Variants in NALF1 observed in about 807,000 individuals in gnomAD.
NALF1 encodes family with sequence similarity 155 member A.
NALF1 carries 3 observed loss-of-function variants against 48.4 expected under a neutral mutation model. The ratio of observed to expected loss-of-function variants is 0.06; its 90% CI spans 0.03 to 0.16. The LOEUF is 0.16. Ranked by LOEUF, NALF1 falls within the 10% of genes least tolerant of loss-of-function variation. The pLI is 1.00. For synonymous variants in NALF1, 262 were observed against 245.7 expected (o/e 1.07, Z -0.62); for missense variants, 526 against 571.5 (o/e 0.92, Z 0.81).
At chr13:107,293,009 T>TTTTTTTTTTTG (rs1881655481) in intron 1 of NALF1, among the ~76,000 whole-genome samples, 1 of 135,912 alleles carries the variant, frequency 7.4e-6, no homozygotes. Context: ...TTTTTTTTTT[T>TTTTTTTTTTTG]GAGCTCTGTC....
chr13:107,313,497 C>T (rs879568320), intron 1 of NALF1, among the ~76,000 whole-genome samples: 2 of 152,044 alleles, frequency 1.3e-5, no homozygotes, highest in Non-Finnish European at 2.9e-5. Flanking sequence ...CAAGAAAATT[C>T]CTTGTGGACC....
At chr13:107,680,462 G>T (rs1350647196) in intron 1 of NALF1, among the ~76,000 whole-genome samples, 8 of 152,130 alleles carry the variant, frequency 5.3e-5, no homozygotes, top group Non-Finnish European at 1.2e-4. Context: ...AAGGGTGTGA[G>T]TGCATATGAA....
intron 1 of NALF1, among the ~76,000 whole-genome samples, chr13:107,644,859 T>C (rs1006786098): frequency 6.6e-6 from 1 of 151,908 alleles, no homozygotes; most frequent in Non-Finnish European, 1.5e-5. Flanking sequence ...CATACTGCTG[T>C]ACAGCAAAAA....
chr13:107,791,438 C>G (rs1007842446), intron 1 of NALF1, among the ~76,000 whole-genome samples: 1 of 152,062 alleles, frequency 6.6e-6, no homozygotes, highest in African/African-American at 2.4e-5. Context: ...TCGTTTTAGA[C>G]TTTAGGCTTT....
At chr13:107,443,566 TTAAAAA>T (rs770694045) in intron 1 of NALF1, among the ~76,000 whole-genome samples, 8 of 152,218 alleles carry the variant, frequency 5.3e-5, no homozygotes, top group Non-Finnish European at 8.8e-5. Flanking sequence ...AAATTCTCAC[TTAAAAA>T]TAAGTCCAAA....
At chr13:107,289,435 TCTC>T (rs1373819356) in intron 1 of NALF1, among the ~76,000 whole-genome samples, 3 of 152,210 alleles carry the variant, frequency 2.0e-5, no homozygotes, top group Non-Finnish European at 2.9e-5. Context: ...ATAAATGACT[TCTC>T]CTAAATATTC....
chr13:107,457,942 T>C (rs1374759239), intron 1 of NALF1, among the ~76,000 whole-genome samples: 1 of 152,208 alleles, frequency 6.6e-6, no homozygotes, highest in East Asian at 1.9e-4. Context: ...GTTAATTCTT[T>C]TGTAAAGTGG....
chr13:107,843,027 A>AC (rs1880082058), intron 1 of NALF1, among the ~76,000 whole-genome samples: 1 of 152,192 alleles, frequency 6.6e-6, no homozygotes, highest in South Asian at 2.1e-4. Flanking sequence ...TATCCAGGCC[A>AC]CTGATACCTG....
At chr13:107,746,361 C>A (rs571297468) in intron 1 of NALF1, among the ~76,000 whole-genome samples, 1 of 152,148 alleles carries the variant, frequency 6.6e-6, no homozygotes, top group South Asian at 2.1e-4. Flanking sequence ...GGGTTTAACC[C>A]AAGGTGCTTA....
At chr13:107,192,423 A>G (rs1879302655) in intron 2 of NALF1, among the ~76,000 whole-genome samples, 1 of 152,200 alleles carries the variant, frequency 6.6e-6, no homozygotes, top group African/African-American at 2.4e-5. Context: ...TGAGACTCAC[A>G]TTAATTTGGT....
chr13:107,181,223 T>G (rs1313871801), intron 2 of NALF1, among the ~76,000 whole-genome samples: 3 of 151,620 alleles, frequency 2.0e-5, no homozygotes, highest in African/African-American at 7.2e-5. Flanking sequence ...ATGTGAATTC[T>G]TCATCTTTCG....
chr13:107,612,704 G>A (rs1032349141), intron 1 of NALF1, among the ~76,000 whole-genome samples: 1 of 152,044 alleles, frequency 6.6e-6, no homozygotes, highest in African/African-American at 2.4e-5. Context: ...TGGACTTCAA[G>A]GCTGCCAGCA....
At position 107,797,530 on chromosome 13, in the gene NALF1, A is replaced by C. The variant is rs544595673; in HGVS notation, c.915+68152T>G. Among the ~76,000 whole-genome samples the C allele has an allele frequency of 2.0e-5, 3 of 152,264 alleles. No individual in the cohort carries two copies. In the East Asian group the frequency reaches 5.8e-4, roughly 29 times the overall value. ...GGCCCACCTCCTGTTTTTCAACCCCAGTCTGTATAAACATTTGCTTAGTAA... is the reference window on the plus strand; with the variant it reads ...GGCCCACCTCCTGTTTTTCAACCCCCGTCTGTATAAACATTTGCTTAGTAA... On this transcript the variant is annotated intron_variant, in intron 1 of 2. Coordinates refer to ENST00000375915, the MANE Select transcript of NALF1 (RefSeq NM_001080396.3).
At chr13:107,332,747 T>C (rs896800745) in intron 1 of NALF1, among the ~76,000 whole-genome samples, 1 of 152,228 alleles carries the variant, frequency 6.6e-6, no homozygotes, top group African/African-American at 2.4e-5. Context: ...TATAGAGCCA[T>C]TGCTCCTAGT....
intron 1 of NALF1, among the ~76,000 whole-genome samples, chr13:107,683,036 G>A (rs1413859027): frequency 6.6e-6 from 1 of 152,208 alleles, no homozygotes; most frequent in African/African-American, 2.4e-5. Context: ...GCTGAGGAGG[G>A]AGGATTGCCG....
intron 1 of NALF1, among the ~76,000 whole-genome samples, chr13:107,672,430 G>A (rs575572084): frequency 5.3e-5 from 8 of 152,216 alleles, no homozygotes; most frequent in Admixed American, 5.2e-4. Context: ...GGTGCTCCCT[G>A]TAGACACGGT....
intron 2 of NALF1, among the ~76,000 whole-genome samples, chr13:107,197,273 C>T (rs1879411701): frequency 6.6e-6 from 1 of 152,188 alleles, no homozygotes; most frequent in Admixed American, 6.5e-5. Context: ...GTCATAGCCA[C>T]ATAAAATGGA....
intron 1 of NALF1, among the ~76,000 whole-genome samples, chr13:107,259,993 A>G (rs143219328): frequency 6.6e-6 from 1 of 152,352 alleles, no homozygotes; most frequent in Non-Finnish European, 1.5e-5. Context: ...GATTTTCTTC[A>G]TGAATAAATT....
At chr13:107,663,060 T>G (rs1229374434) in intron 1 of NALF1, among the ~76,000 whole-genome samples, 1 of 152,044 alleles carries the variant, frequency 6.6e-6, no homozygotes, top group Non-Finnish European at 1.5e-5. Flanking sequence ...CCTCCTCACT[T>G]GTTGTGATAC....
Sources: allele counts gnomAD v4.1 joint callset (sites outside exome capture counted in the v4.1 genomes callset), GRCh38; gene constraint gnomAD v4.1.1; transcripts MANE v1.5; gene names NCBI Gene and HGNC (gene_info 2026-07-23, HGNC 2026-07-21).